The following IMMP2L variants were observed in gnomAD, a reference collection of about 807,000 sequenced individuals.
IMMP2L encodes inner mitochondrial membrane peptidase subunit 2.
A neutral mutation model predicts 19.3 loss-of-function variants in IMMP2L; 18 were observed. That is an observed-to-expected ratio of 0.93 (90% CI 0.64 to 1.38). The LOEUF is 1.38. Ranked by LOEUF, IMMP2L falls within the 40% of genes most tolerant of loss-of-function variation. The probability of loss-of-function intolerance (pLI) is 0.00; values close to 1 mark genes in which losing one functional copy is unlikely to be tolerated. For synonymous variants in IMMP2L, 76 were observed against 73.0 expected (o/e 1.04, Z -0.21); for missense variants, 233 against 218.2 (o/e 1.07, Z -0.43).
At chr7:111,220,906 C>T (rs1228307731) in intron 3 of IMMP2L, among the ~76,000 whole-genome samples, 1 of 151,998 alleles carries the variant, frequency 6.6e-6, no homozygotes, top group Non-Finnish European at 1.5e-5. Context: ...ACTCAGCTTT[C>T]CTCCATCTTT....
At chr7:110,768,309 A>G (rs1437188536) in intron 5 of IMMP2L, among the ~76,000 whole-genome samples, 2 of 49,290 alleles carry the variant, frequency 4.1e-5, no homozygotes, top group Non-Finnish European at 8.6e-5. Context: ...AAAAGAAAGG[A>G]AAAAAAAAAA....
At chr7:110,826,493 A>AT (rs1803502470) in intron 5 of IMMP2L, among the ~76,000 whole-genome samples, 1 of 152,192 alleles carries the variant, frequency 6.6e-6, no homozygotes. Flanking sequence ...TACACCATGG[A>AT]ATACTATGCA....
At chr7:110,816,691 T>G (rs1178547904) in intron 5 of IMMP2L, among the ~76,000 whole-genome samples, 1 of 150,700 alleles carries the variant, frequency 6.6e-6, no homozygotes, top group Non-Finnish European at 1.5e-5. Context: ...TAGCTCTTCT[T>G]GTTGAATTGA....
chr7:110,675,067 T>A (rs1792198643), intron 5 of IMMP2L, among the ~76,000 whole-genome samples: 1 of 152,202 alleles, frequency 6.6e-6, no homozygotes, highest in Non-Finnish European at 1.5e-5. Flanking sequence ...TCAATATATT[T>A]GAGTTAAATA....
At chr7:110,686,091 C>T (rs775725476) in intron 5 of IMMP2L, among the ~76,000 whole-genome samples, 1 of 152,086 alleles carries the variant, frequency 6.6e-6, no homozygotes, top group Non-Finnish European at 1.5e-5. Flanking sequence ...TCTGTTTTCA[C>T]TATGTGACAG....
chr7:111,131,078 C>G (rs1801803684), intron 3 of IMMP2L, among the ~76,000 whole-genome samples: 3 of 151,556 alleles, frequency 2.0e-5, no homozygotes. Context: ...CAAGTCAATT[C>G]AAACCTTTGA....
At chr7:110,783,996 A>G (rs188579009) in intron 5 of IMMP2L, among the ~76,000 whole-genome samples, 1 of 152,054 alleles carries the variant, frequency 6.6e-6, no homozygotes, top group African/African-American at 2.4e-5. Context: ...TATTAATTTT[A>G]TGTCTTTTAT....
chr7:111,285,731 C>T (rs1259308153), intron 3 of IMMP2L, among the ~76,000 whole-genome samples: 2 of 152,142 alleles, frequency 1.3e-5, no homozygotes, highest in African/African-American at 4.8e-5. Context: ...TCTTGTGTCT[C>T]TCCAACTGTA....
intron 5 of IMMP2L, among the ~76,000 whole-genome samples, chr7:110,817,599 T>C (rs1802644693): frequency 6.6e-6 from 1 of 152,000 alleles, no homozygotes; most frequent in Non-Finnish European, 1.5e-5. Flanking sequence ...CTTCACAGAA[T>C]TGGAAAAAAC....
intron 3 of IMMP2L, among the ~76,000 whole-genome samples, chr7:111,130,750 A>G (rs1315355004): frequency 2.0e-5 from 3 of 152,114 alleles, no homozygotes; most frequent in Admixed American, 2.0e-4. Context: ...ATATAGCTAA[A>G]CACACCCAAA....
chr7:111,030,475 T>C (rs1015211901), intron 3 of IMMP2L, among the ~76,000 whole-genome samples: 3 of 127,870 alleles, frequency 2.3e-5, no homozygotes, highest in African/African-American at 9.1e-5. Context: ...TTCCTTCACA[T>C]GGGATCTGTA....
intron 3 of IMMP2L, among the ~76,000 whole-genome samples, chr7:111,031,407 T>TAA (rs1554496352): frequency 2.2e-4 from 32 of 147,214 alleles, no homozygotes; most frequent in African/African-American, 3.3e-4. Context: ...TGTGTGTGTG[T>TAA]GAGAGAAAGA....
chr7:110,700,218 A>C (rs1794178151), intron 5 of IMMP2L, among the ~76,000 whole-genome samples: 1 of 152,140 alleles, frequency 6.6e-6, no homozygotes, highest in Admixed American at 6.5e-5. Flanking sequence ...TCACAAAAAA[A>C]CTAACACCCC....
chr7:110,766,046 TATAATTTATTG>T (rs1798637389), intron 5 of IMMP2L, among the ~76,000 whole-genome samples: 1 of 152,220 alleles, frequency 6.6e-6, no homozygotes, highest in African/African-American at 2.4e-5. Flanking sequence ...ATCATGTGGC[TATAATTTATTG>T]ACCACGTAAT....
chr7:110,897,339 G>A (rs1300724813), intron 4 of IMMP2L, among the ~76,000 whole-genome samples: 1 of 152,086 alleles, frequency 6.6e-6, no homozygotes, highest in African/African-American at 2.4e-5. Context: ...ATGGATAAAA[G>A]ATACAAATAG....
chr7:110,988,698 T>G (rs1008451734), intron 3 of IMMP2L, among the ~76,000 whole-genome samples: 2 of 152,164 alleles, frequency 1.3e-5, no homozygotes, highest in African/African-American at 2.4e-5. Context: ...AAGGAACTAT[T>G]TTTGAAAAGA....
chr7:111,342,233 G>T (rs568517344), intron 3 of IMMP2L, among the ~76,000 whole-genome samples: 3 of 152,082 alleles, frequency 2.0e-5, no homozygotes, highest in South Asian at 4.2e-4. Flanking sequence ...TGTCAATTGG[G>T]AGTTTTCAAT....
At chr7:111,040,840 T>C (rs1000667822) in intron 3 of IMMP2L, among the ~76,000 whole-genome samples, 53 of 151,624 alleles carry the variant, frequency 3.5e-4, no homozygotes, top group African/African-American at 1.3e-3. Context: ...TAACAAAAGA[T>C]GTATAAGATT....
At chr7:111,411,330 C>G (rs978865605) in intron 3 of IMMP2L, 4 of 373,802 alleles carry the variant, frequency 1.1e-5, no homozygotes, top group Non-Finnish European at 2.1e-5. Context: ...ACCGATATAC[C>G]CAGGACCTAG....
Sources: gnomAD v4.1 joint callset for allele counts (sites outside exome capture counted in the v4.1 genomes callset) on GRCh38, gnomAD v4.1.1 for gene constraint, MANE v1.5 for transcripts, NCBI Gene and HGNC (gene_info 2026-07-23, HGNC 2026-07-21) for gene names.